Variants in AHRR observed in about 807,000 individuals in gnomAD.
AHRR encodes aryl hydrocarbon receptor repressor.
Under a neutral mutation model 44.0 loss-of-function variants are expected in AHRR, and 28 were observed. The observed-to-expected ratio is 0.64, with a 90% CI of 0.47 to 0.87. The LOEUF is 0.87. AHRR is among the 40% of genes least tolerant of loss of function. The pLI is 0.00. For missense variants in AHRR, 990 were observed against 953.9 expected (o/e 1.04, Z -0.50); for synonymous variants, 434 against 407.0 (o/e 1.07, Z -0.80).
rs1037722074 is a variant in AHRR, at chr5:342,896, C to G, written c.-10-997C>G. Among the ~76,000 whole-genome samples the G allele has an allele frequency of 2.6e-5, 4 of 152,208 alleles. No individual in the cohort carries two copies. The highest frequency in any genetic ancestry group is 9.7e-5 in the African/African-American group (4 of 41,448). ...CCCGCTGGGAGGCACATGCCTGTGTCCAGCACTGTTGGTGGCAGCTGGTGG... is the reference window on the plus strand; with the variant it reads ...CCCGCTGGGAGGCACATGCCTGTGTGCAGCACTGTTGGTGGCAGCTGGTGG... On this transcript the variant is annotated intron_variant, in intron 1 of 10. Coordinates refer to ENST00000684583, the MANE Select transcript of AHRR (RefSeq NM_001377236.1). The surrounding 1 kb of genome is among the most constrained non-coding windows in gnomAD (Gnocchi z 4.3).
At chr5:368,526 T>C (rs1238583925) in intron 3 of AHRR, among the ~76,000 whole-genome samples, 1 of 152,282 alleles carries the variant, frequency 6.6e-6, no homozygotes, top group African/African-American at 2.4e-5. Context: ...GTAACAAGAA[T>C]GCCCAAATAG....
At chr5:396,902 G>A (rs1371017619) in intron 4 of AHRR, among the ~76,000 whole-genome samples, 1 of 152,010 alleles carries the variant, frequency 6.6e-6, no homozygotes, top group Non-Finnish European at 1.5e-5. Context: ...CACCTCAGAG[G>A]CTGCTGCAGG....
chr5:416,823 T>G (rs1349164561), intron 5 of AHRR, among the ~76,000 whole-genome samples: 1 of 152,218 alleles, frequency 6.6e-6, no homozygotes, highest in Non-Finnish European at 1.5e-5. Context: ...GATGACTTTG[T>G]CAACTTAAAC....
intron 4 of AHRR, among the ~76,000 whole-genome samples, chr5:407,782 C>T (rs371842827): frequency 6.6e-6 from 1 of 152,230 alleles, no homozygotes; most frequent in African/African-American, 2.4e-5. Flanking sequence ...CGTGATCCAC[C>T]TGCCTCGGCC....
intron 1 of AHRR, among the ~76,000 whole-genome samples, chr5:336,802 A>G (rs1384544407): frequency 6.6e-6 from 1 of 152,216 alleles, no homozygotes; most frequent in African/African-American, 2.4e-5. Flanking sequence ...CTCTTACATT[A>G]AAGTCTTTAG....
At chr5:378,689 T>G (rs1027985447) in intron 4 of AHRR, among the ~76,000 whole-genome samples, 4 of 152,074 alleles carry the variant, frequency 2.6e-5, no homozygotes, top group Non-Finnish European at 5.9e-5. Context: ...GGAGGAGGGC[T>G]CCAAAGACAT....
chr5:364,216 A>G (rs1476268027), intron 3 of AHRR, among the ~76,000 whole-genome samples: 3 of 152,256 alleles, frequency 2.0e-5, no homozygotes, highest in Admixed American at 6.5e-5. Flanking sequence ...GAACCCAGAG[A>G]TAACTTTATT....
At chr5:422,442 CG>C (rs1486339872) in intron 5 of AHRR, 2 of 442,978 alleles carry the variant, frequency 4.5e-6, no homozygotes, top group East Asian at 9.6e-5. Flanking sequence ...AGAGTGTCTG[CG>C]GCCCAGAAGA....
intron 10 of AHRR, among the ~76,000 whole-genome samples, chr5:433,157 C>T (rs1362276175): frequency 3.9e-5 from 6 of 152,214 alleles, no homozygotes; most frequent in African/African-American, 1.4e-4. Flanking sequence ...GGGGACTGAC[C>T]CCGGGAAGCA....
At position 405,636 on chromosome 5, in the gene AHRR, G is replaced by A. The variant is rs111580752; in HGVS notation, c.352-7708G>A. ...AAGTGGGCGGCACACCCTTCAGGTC[G>A]GTGGGAGTGAGGGCCTTCGGGTCGC... On this transcript the variant is annotated intron_variant, in intron 4 of 10. Transcript: ENST00000684583. The surrounding 1 kb of genome is among the most constrained non-coding windows in gnomAD (Gnocchi z 4.5). Among the ~76,000 whole-genome samples, 209 of 152,258 alleles carry A rather than the reference G, an allele frequency of 1.4e-3. 2 individuals are homozygous for A. Among genetic ancestry groups the A allele is most frequent in the African/African-American group, 4.9e-3 (205 of 41,548 alleles).
At chr5:362,701 A>G (rs1743222960) in intron 3 of AHRR, among the ~76,000 whole-genome samples, 1 of 152,224 alleles carries the variant, frequency 6.6e-6, no homozygotes, top group African/African-American at 2.4e-5. Context: ...TTGTAGTTGT[A>G]TGGCAAGATC....
intron 2 of AHRR, among the ~76,000 whole-genome samples, chr5:346,686 C>T (rs1742689436): frequency 6.6e-6 from 1 of 152,214 alleles, no homozygotes; most frequent in Non-Finnish European, 1.5e-5. Context: ...GGCCCTTCAC[C>T]TGCAGACCTC....
chr5:403,923 C>A lies in AHRR; in HGVS notation c.352-9421C>A. 3.2e-6 allele frequency: 5 copies of A among 1,566,964 alleles called. No homozygotes were observed. The South Asian group carries it at 4.4e-5, about 14-fold the overall frequency. On this transcript the variant is annotated intron_variant, in intron 4 of 10. Transcript: ENST00000684583. ...AGAATGTAGCTATTCCAGGCACAGT[C>A]TGGAGTATTTGATGAAATATCTCCT... is the stretch of plus-strand genomic sequence containing the variant.
At chr5:423,765 T>G (rs1161320177) in intron 6 of AHRR, 76 bp from the exon 7 acceptor site, 1 of 1,513,236 alleles carries the variant, frequency 6.6e-7, no homozygotes, top group Non-Finnish European at 8.8e-7. Context: ...GTGAGAGCCG[T>G]GGGCGTGGTT....
At chr5:382,039 A>G (rs1734006562) in intron 4 of AHRR, among the ~76,000 whole-genome samples, 1 of 152,164 alleles carries the variant, frequency 6.6e-6, no homozygotes, top group South Asian at 2.1e-4. Context: ...GATAGATCTC[A>G]TTTCTATTTT....
intron 7 of AHRR, among the ~76,000 whole-genome samples, chr5:425,036 C>G (rs1314337703): frequency 6.6e-6 from 1 of 152,244 alleles, no homozygotes; most frequent in Non-Finnish European, 1.5e-5. Context: ...ACAAGGCCCT[C>G]AGACCCCAGC....
Position 388,838 on chromosome 5 carries a change from AGT to A in AHRR, c.351+12126_351+12127del, listed in dbSNP as rs1207841272. ...GGAAACAGGAAGCTGGCAGGAGGAC[AGT>A]GTGGCTGGGCCAGATGCCTGAGGAC... On this transcript the variant is annotated intron_variant, in intron 4 of 10. Coordinates refer to ENST00000684583, the MANE Select transcript of AHRR (RefSeq NM_001377236.1). The surrounding 1 kb of genome is among the most constrained non-coding windows in gnomAD (Gnocchi z 5.2). Among the ~76,000 whole-genome samples, 1 of 152,234 alleles carries A rather than the reference AGT, an allele frequency of 6.6e-6. No homozygotes were observed. Among genetic ancestry groups the A allele is most frequent in the Non-Finnish European group, 1.5e-5 (1 of 68,032 alleles).
intron 1 of AHRR, among the ~76,000 whole-genome samples, chr5:329,402 C>T (rs1741837832): frequency 6.6e-6 from 1 of 152,182 alleles, no homozygotes; most frequent in African/African-American, 2.4e-5. Flanking sequence ...GATGAGGTCT[C>T]ACTGTGTTGT....
chr5:356,435 T>G (rs1743049332), intron 3 of AHRR, among the ~76,000 whole-genome samples: 1 of 152,180 alleles, frequency 6.6e-6, no homozygotes, highest in Non-Finnish European at 1.5e-5. Context: ...TGCCTGTGTT[T>G]GCCAGGACCC....
Sources: gnomAD v4.1 joint callset for allele counts (sites outside exome capture counted in the v4.1 genomes callset) on GRCh38, gnomAD v4.1.1 for gene constraint, Gnocchi (gnomAD v3.1) non-coding constraint, MANE v1.5 for transcripts, NCBI Gene and HGNC (gene_info 2026-07-23, HGNC 2026-07-21) for gene names.